Variants in KIF1A observed in about 807,000 individuals in gnomAD.
The protein encoded by KIF1A is kinesin family member 1A.
KIF1A carries 46 observed loss-of-function variants against 227.3 expected under a neutral mutation model. That is an observed-to-expected ratio of 0.20 (90% CI 0.16 to 0.26). The LOEUF (loss-of-function observed/expected upper bound fraction) is 0.26, where lower values mean the gene tolerates loss of function less well. KIF1A is among the 10% of genes least tolerant of loss of function. The pLI is 1.00. For synonymous variants in KIF1A, 1,022 were observed against 1,012.8 expected (o/e 1.01, Z -0.17); for missense variants, 1,683 against 2,485.9 (o/e 0.68, Z 6.87).
intron 1 of KIF1A, among the ~76,000 whole-genome samples, chr2:240,800,255 A>G (rs1180216296): frequency 6.6e-6 from 1 of 152,222 alleles, no homozygotes; most frequent in East Asian, 1.9e-4. Flanking sequence ...TTTAAAATGT[A>G]AAAGTGGTAC....
intron 38 of KIF1A, among the ~76,000 whole-genome samples, chr2:240,734,983 G>C (rs2047159453): frequency 6.6e-6 from 1 of 152,190 alleles, no homozygotes; most frequent in Non-Finnish European, 1.5e-5. Flanking sequence ...GTCAGGGAGA[G>C]CGGCCTTGGA....
At chr2:240,765,923 C>G in intron 19 of KIF1A, 130 bp from the exon 20 acceptor site, 1 of 682,230 alleles carries the variant, frequency 1.5e-6, no homozygotes, top group Non-Finnish European at 2.6e-6. Flanking sequence ...CTACACAGGC[C>G]GTGACCATTG....
chr2:240,747,369 G>A, intron 28 of KIF1A, 48 bp from the exon 29 acceptor site: 1 of 1,511,282 alleles, frequency 6.6e-7, no homozygotes. Context: ...TGTCCCCTGA[G>A]GTGGGTGTGG....
rs377435468 is a variant in KIF1A, at chr2:240,719,919, G to T, written c.4876C>A (p.Gln1626Lys). 1.9e-6 allele frequency: 3 copies of T among 1,608,560 alleles called. No homozygotes were observed. The African/African-American group carries it at 4.0e-5, about 21-fold the overall frequency. Residue 1626 changes from glutamine (Q) to lysine (K), a missense_variant, in exon 46 of 49, where the codon CAG becomes AAG. By Grantham distance (53) the Gln-to-Lys change is moderately conservative (BLOSUM62 1). Around this residue, in one of 12 missense-constraint regions of KIF1A, gnomAD observed 384 missense variants for 410.1 expected, o/e 0.94. Transcript: ENST00000498729. ...GGGCTGGCTGGCCGGGAGCAGGGCT[G>T]CGGGGTCCTGGGAAGCAGAGGGAAG... ...RYGATDLRTP[Q>K]PCSRPASPEP...
chr2:240,754,748 G>A (rs190498648), intron 27 of KIF1A, among the ~76,000 whole-genome samples: 8 of 152,238 alleles, frequency 5.3e-5, no homozygotes, highest in East Asian at 1.9e-4. Context: ...CACACCCAAC[G>A]CAGAGTGGCT....
At position 240,771,074 on chromosome 2, in the gene KIF1A, G is replaced by A. The variant is rs2051898434; in HGVS notation, c.1238C>T (p.Ser413Leu). The stretch of plus-strand genomic sequence containing the variant: ...GCTGGACAGGGCTGAGAGCGAGGAT[G>A]AGGGGCTCATACCCACCAGGGCATT... ...LTNALVGMSP[S>L]SSLSALSSRA... Residue 413 changes from serine to leucine, a missense_variant, in exon 15 of 49, where the codon TCA becomes TTA. Around this residue, in one of 12 missense-constraint regions of KIF1A, gnomAD observed 110 missense variants for 133.1 expected, o/e 0.83. Transcript: ENST00000498729. The A allele has an allele frequency of 6.2e-7, 1 of 1,613,474 alleles. No homozygotes were observed. Among genetic ancestry groups the A allele is most frequent in the South Asian group, 1.1e-5 (1 of 91,082 alleles).
intron 38 of KIF1A, among the ~76,000 whole-genome samples, chr2:240,730,962 C>T (rs566045265): frequency 1.8e-4 from 27 of 152,352 alleles, no homozygotes; most frequent in Admixed American, 4.6e-4. Flanking sequence ...TGGCCCCACC[C>T]TCCAAGCCCC....
chr2:240,740,669 C>T lies in KIF1A; in HGVS notation c.3750-305G>A, dbSNP rs1293252577. Among the ~76,000 whole-genome samples the T allele has an allele frequency of 1.3e-5, 2 of 152,108 alleles. No homozygotes were observed. The highest frequency in any genetic ancestry group is 1.5e-5 in the Non-Finnish European group (1 of 68,008). On this transcript the variant is annotated intron_variant, in intron 35 of 48. Coordinates refer to ENST00000498729, the MANE Select transcript of KIF1A (RefSeq NM_001244008.2). This position sits in a 1 kb window ranked among gnomAD's most constrained non-coding sequence, Gnocchi z 6.1. ...AGTTCCCAAGGGTCCTCTGCTTCCC[C>T]TCATGCCCTGCAGATCCGCAACCCA...
intron 33 of KIF1A, among the ~76,000 whole-genome samples, chr2:240,743,296 T>C (rs1010006252): frequency 2.0e-5 from 3 of 152,112 alleles, no homozygotes; most frequent in Non-Finnish European, 4.4e-5. Context: ...CCTGACACCC[T>C]GGAGGGCCCC....
rs377084915 is a variant in KIF1A, at chr2:240,718,042, G to A, written c.5333+8C>T. On this transcript the variant is annotated splice_region_variant and intron_variant, in intron 48 of 48. Coordinates refer to ENST00000498729, the MANE Select transcript of KIF1A (RefSeq NM_001244008.2). Reference sequence around the variant, plus strand: ...ATGGCAGCAACCTCGCCCTGCAGGCGGCCCTACCGTATGGTCCCGGCCAGG... The same window carrying A: ...ATGGCAGCAACCTCGCCCTGCAGGCAGCCCTACCGTATGGTCCCGGCCAGG... The A allele has an allele frequency of 9.1e-5, 145 of 1,585,620 alleles. 2 individuals carry two copies. In the South Asian group the frequency reaches 1.1e-3, roughly 12 times the overall value.
Position 240,758,468 on chromosome 2 carries a change from T to C in KIF1A, c.2474A>G (p.Tyr825Cys). ...GGAGGGCACCTCTGCAGCGCGGTCG[T>C]ACATCTCCCGCATCAGGTCCAGACG... ...RQRLDLMREM[Y>C]DRAAEVPSSV... Residue 825 changes from tyrosine (Y) to cysteine (C), a missense_variant, in exon 26 of 49, where the codon TAC becomes TGC. By Grantham distance (194) the Tyr-to-Cys change is radical. Transcript: ENST00000498729. The surrounding 1 kb of genome is among the most constrained non-coding windows in gnomAD (Gnocchi z 5.2). 1 of 1,604,984 alleles carries C rather than the reference T, an allele frequency of 6.2e-7. No individual in the cohort carries two copies. The highest frequency in any genetic ancestry group is 1.1e-5 in the South Asian group (1 of 89,502).
At chr2:240,743,134 G>A (rs975944313) in intron 33 of KIF1A, 150 bp from the exon 34 acceptor site, 6 of 621,302 alleles carry the variant, frequency 9.7e-6, no homozygotes, top group Admixed American at 6.2e-5. Flanking sequence ...GTGGGAGGAA[G>A]AGGAGGGACC....
intron 28 of KIF1A, 139 bp downstream of exon 28, chr2:240,750,290 G>A: frequency 4.7e-6 from 3 of 640,812 alleles, no homozygotes; most frequent in Non-Finnish European, 8.2e-6. Context: ...AGGGAGAGTG[G>A]AGGGCCAGCT....
chr2:240,729,265 T>TCTTCTGTCCCTTCTACCTCTGTCTTCTGC (rs544912390), intron 38 of KIF1A, among the ~76,000 whole-genome samples: 5 of 152,256 alleles, frequency 3.3e-5, no homozygotes, highest in African/African-American at 1.2e-4. Flanking sequence ...GCCTCCAAAG[T>TCTTCTGTCCCTTCTACCTCTGTCTTCTGC]CCCTAAAGGG....
chr2:240,752,799 G>T lies in KIF1A; in HGVS notation c.2859-2252C>A, dbSNP rs2049381300. 6.6e-6 allele frequency among the ~76,000 whole-genome samples: 1 copy of T among 152,136 alleles called. No individual in the cohort carries two copies. Among genetic ancestry groups the T allele is most frequent in the South Asian group, 2.1e-4 (1 of 4,832 alleles). ...GAAGAGACTGCCCCCACCCCACTCT[G>T]CAGGAAGCCCATGGGGTGGTGCTCG... On this transcript the variant is annotated intron_variant, in intron 27 of 48. Transcript: ENST00000498729. The surrounding 1 kb of genome is among the most constrained non-coding windows in gnomAD (Gnocchi z 6.4).
In KIF1A at chr2:240,786,480, G is replaced by A. The variant is rs1434341247; in HGVS notation, c.463C>T (p.Arg155Cys). 6.2e-7 allele frequency: 1 copy of A among 1,613,504 alleles called. No homozygotes were observed. The change falls in exon 6 of 49, where the codon CGT (arginine) becomes TGT (cysteine). Residue 155 changes from arginine to cysteine, a missense_variant. Physicochemically the swap from Arg to Cys is radical, Grantham distance 180 (BLOSUM62 -3). Around this residue, in one of 12 missense-constraint regions of KIF1A, gnomAD observed 75 missense variants for 131.2 expected, o/e 0.57. Coordinates refer to ENST00000498729, the MANE Select transcript of KIF1A (RefSeq NM_001244008.2). ...TTGTTCTTGGGGTTCAGGAGGTCAC[G>A]GACGCGCTCACAGTAAATCTCCATG... ...SYMEIYCERV[R>C]DLLNPKNKGN...
At chr2:240,777,295 C>T (rs781516808) in intron 10 of KIF1A, among the ~76,000 whole-genome samples, 3 of 152,318 alleles carry the variant, frequency 2.0e-5, no homozygotes, top group Middle Eastern at 3.4e-3. Context: ...CCACCCACCT[C>T]GGGCTCCCAA....
chr2:240,719,537 C>T (rs2045016058), intron 46 of KIF1A, among the ~76,000 whole-genome samples: 2 of 152,256 alleles, frequency 1.3e-5, no homozygotes, highest in Admixed American at 1.3e-4. Flanking sequence ...GTGCTCTGTG[C>T]TGGTTCCCAG....
chr2:240,781,616 G>A (rs947984173), intron 10 of KIF1A, among the ~76,000 whole-genome samples: 3 of 151,812 alleles, frequency 2.0e-5, no homozygotes, highest in Admixed American at 1.3e-4. Flanking sequence ...ACAGTTCCAC[G>A]CGGTTATCAC....
Sources: gnomAD v4.1 joint callset for allele counts (sites outside exome capture counted in the v4.1 genomes callset) on GRCh38, gnomAD v4.1.1 for gene constraint, gnomAD v4.1.1 regional missense constraint, Gnocchi (gnomAD v3.1) non-coding constraint, MANE v1.5 for transcripts, NCBI Gene and HGNC (gene_info 2026-07-23, HGNC 2026-07-21) for gene names.